CIT: variants seen among roughly 807,000 people sequenced by gnomAD.
The protein encoded by CIT is citron rho-interacting serine/threonine kinase, also known as citron Rho-interacting kinase.
CIT carries 79 observed loss-of-function variants against 272.7 expected under a neutral mutation model. The observed-to-expected ratio is 0.29, with a 90% CI of 0.24 to 0.35. The LOEUF is 0.35. CIT is among the 10% of genes least tolerant of loss of function. CIT has a pLI of 1.00. For missense variants in CIT, 1,909 were observed against 2,618.3 expected (o/e 0.73, Z 5.91); for synonymous variants, 948 against 995.6 (o/e 0.95, Z 0.90).
Position 119,782,557 on chromosome 12 carries a change from G to A in CIT, c.1626C>T (p.Ile542=), listed in dbSNP as rs776810978. 1 of 1,614,114 alleles carries A rather than the reference G, an allele frequency of 6.2e-7. No homozygotes were observed. ...CTTGGAGCTTCCGGCTCTGCTCTCT[G>A]ATATCATGGAGAAGCTGCAGTGCTT... The part of the protein sequence containing the change: ...DDKALQLLHD[I]REQSRKLQEI... The change falls in exon 13 of 48, where the codon ATC becomes ATT. Residue 542 remains isoleucine, a synonymous_variant. Transcript: ENST00000392521.
intron 19 of CIT, among the ~76,000 whole-genome samples, chr12:119,765,724 G>A (rs546189980): frequency 1.3e-5 from 2 of 151,594 alleles, no homozygotes; most frequent in African/African-American, 2.4e-5. Flanking sequence ...CACCCATCTC[G>A]GCCTCCCAAA....
rs569758019 is a variant in CIT, at chr12:119,783,808, T to C, written c.1545+100A>G. The stretch of plus-strand genomic sequence containing the variant: ...CTCTCCCTCTCTCTACTCTCTGCCA[T>C]TGGCTGTGATGTGCCTCATGGAGCC... On this transcript the variant is annotated intron_variant, in intron 12 of 47. Coordinates refer to ENST00000392521, the MANE Select transcript of CIT (RefSeq NM_001206999.2). The C allele has an allele frequency of 8.1e-5, 113 of 1,399,764 alleles. 1 individual carries two copies. In the African/African-American group the frequency reaches 1.5e-3, roughly 19 times the overall value. The allele number at this position is 1,399,764 out of a possible 1,614,324, so 86.7% of individuals were successfully genotyped here.
chr12:119,744,252 C>T (rs535773597), intron 23 of CIT, among the ~76,000 whole-genome samples: 2 of 152,056 alleles, frequency 1.3e-5, no homozygotes, highest in Admixed American at 1.3e-4. Context: ...AGATGTGTGG[C>T]CAAGAGGAAA....
intron 10 of CIT, among the ~76,000 whole-genome samples, chr12:119,800,799 A>C (rs1259533345): frequency 6.6e-6 from 1 of 152,232 alleles, no homozygotes; most frequent in East Asian, 1.9e-4. Flanking sequence ...TTTTGTCAAT[A>C]AAACTGCAGG....
intron 13 of CIT, 117 bp downstream of exon 13, chr12:119,782,401 G>A: frequency 1.7e-6 from 2 of 1,181,318 alleles, no homozygotes; most frequent in South Asian, 2.9e-5. Flanking sequence ...CTTCCACTCT[G>A]CCCCCACCCT....
intron 4 of CIT, among the ~76,000 whole-genome samples, chr12:119,850,793 C>T (rs911811171): frequency 6.6e-6 from 1 of 152,146 alleles, no homozygotes; most frequent in Non-Finnish European, 1.5e-5. Flanking sequence ...TCCCAAGCAA[C>T]GTGAGGAGGG....
intron 13 of CIT, among the ~76,000 whole-genome samples, chr12:119,780,763 T>A (rs1212742272): frequency 6.6e-6 from 1 of 152,228 alleles, no homozygotes; most frequent in East Asian, 1.9e-4. Flanking sequence ...TCTGCAAACA[T>A]CCTGCTCTCA....
At chr12:119,719,035 G>T (rs556435052) in intron 30 of CIT, 174 bp from the exon 31 acceptor site, 8 of 629,548 alleles carry the variant, frequency 1.3e-5, no homozygotes, top group African/African-American at 5.5e-5. Flanking sequence ...GCCACAGCCC[G>T]TTCCAGCCGG....
intron 10 of CIT, among the ~76,000 whole-genome samples, chr12:119,797,116 C>T (rs755597710): frequency 2.6e-5 from 4 of 152,292 alleles, no homozygotes; most frequent in East Asian, 3.9e-4. Context: ...GCCAGACTGG[C>T]GCAGAGCTTG....
intron 4 of CIT, 56 bp downstream of exon 4, chr12:119,857,467 T>C (rs895181617): frequency 1.3e-5 from 21 of 1,564,942 alleles, no homozygotes; most frequent in Non-Finnish European, 1.7e-5. Flanking sequence ...TTATCGTCTT[T>C]GCAATGAACA....
chr12:119,842,325 G>T (rs1355620226), intron 5 of CIT, among the ~76,000 whole-genome samples: 1 of 141,394 alleles, frequency 7.1e-6, no homozygotes, highest in Non-Finnish European at 1.5e-5. Context: ...GGAGGTAGAG[G>T]TTGCACTGAG....
At chr12:119,838,643 A>G (rs983352407) in intron 5 of CIT, among the ~76,000 whole-genome samples, 1 of 152,220 alleles carries the variant, frequency 6.6e-6, no homozygotes, top group African/African-American at 2.4e-5. Context: ...TTTCCATAGC[A>G]GCAATGCCCT....
In CIT at chr12:119,690,478, G is replaced by C; in HGVS notation, c.5883-24C>G. On this transcript the variant is annotated intron_variant, in intron 46 of 47. Transcript: ENST00000392521. This position sits in a 1 kb window ranked among gnomAD's most constrained non-coding sequence, Gnocchi z 6.0. ...TGCTGGCGACACAAGAGGAACGTAG[G>C]GAGCTGCGAGGCCACAACCCCAGAG... The C allele has an allele frequency of 6.5e-7, 1 of 1,546,160 alleles. No individual in the cohort carries two copies. Among genetic ancestry groups the C allele is most frequent in the Non-Finnish European group, 8.6e-7 (1 of 1,157,546 alleles).
rs754751328 is a variant in CIT at position 119,770,751 on chromosome 12, A to G, written c.2208+34T>C. 9 of 1,612,386 alleles carry G rather than the reference A, an allele frequency of 5.6e-6. No individual in the cohort carries two copies. In the South Asian group the frequency reaches 6.6e-5, roughly 12 times the overall value. ...TTCCCTTTGCAAACTCTAACCTGTT[A>G]TCTTTTAACTTTGCGACTTTCATTC... On this transcript the variant is annotated intron_variant, in intron 18 of 47. Transcript: ENST00000392521. This position sits in a 1 kb window ranked among gnomAD's most constrained non-coding sequence, Gnocchi z 4.4.
At chr12:119,796,204 TGCTGTTGAAG>T (rs923267198) in intron 10 of CIT, among the ~76,000 whole-genome samples, 43 of 152,358 alleles carry the variant, frequency 2.8e-4, no homozygotes, top group African/African-American at 9.6e-4. Context: ...CACACTGGGA[TGCTGTTGAAG>T]GTGTAAGCCG....
chr12:119,787,137 G>C (rs1308112698), intron 10 of CIT, among the ~76,000 whole-genome samples: 1 of 151,826 alleles, frequency 6.6e-6, no homozygotes, highest in Non-Finnish European at 1.5e-5. Context: ...GCTGATTTTT[G>C]TATTTTTTGT....
chr12:119,804,425 G>A lies in CIT; in HGVS notation c.1112-1036C>T. 1.0e-6 allele frequency: 1 copy of A among 985,818 alleles called. No individual in the cohort carries two copies. Among genetic ancestry groups the A allele is most frequent in the Non-Finnish European group, 1.2e-6 (1 of 830,242 alleles). 61.1% of individuals were successfully genotyped at this position (985,818 alleles called of 1,614,324 possible). The stretch of plus-strand genomic sequence containing the variant: ...AGGCTGCATGCTCCCGGCTCCGTGC[G>A]TGCGTGCTCTGGCTGGAACCCCACC... On this transcript the variant is annotated intron_variant, in intron 9 of 47. Transcript: ENST00000392521. The surrounding 1 kb of genome is among the most constrained non-coding windows in gnomAD (Gnocchi z 5.3).
At chr12:119,732,533 C>T (rs1460787983) in intron 26 of CIT, among the ~76,000 whole-genome samples, 2 of 151,992 alleles carry the variant, frequency 1.3e-5, no homozygotes, top group Admixed American at 6.6e-5. Flanking sequence ...AACAGCAGTC[C>T]CTCACATCAA....
intron 3 of CIT, among the ~76,000 whole-genome samples, chr12:119,868,272 G>A (rs949899823): frequency 1.6e-4 from 24 of 152,106 alleles, no homozygotes; most frequent in Non-Finnish European, 8.8e-5. Context: ...AAAGATGAAT[G>A]TAATCCAGAA....
Sources: allele counts gnomAD v4.1 joint callset (sites outside exome capture counted in the v4.1 genomes callset), GRCh38; gene constraint gnomAD v4.1.1; non-coding constraint Gnocchi (gnomAD v3.1); transcripts MANE v1.5; gene names NCBI Gene and HGNC (gene_info 2026-07-23, HGNC 2026-07-21).